CFAP47: variants seen among roughly 807,000 people sequenced by gnomAD.
CFAP47 encodes cilia- and flagella-associated protein 47.
A neutral mutation model predicts 148.1 loss-of-function variants in CFAP47; 29 were observed. The observed-to-expected ratio is 0.20, with a 90% CI of 0.15 to 0.27. CFAP47 has a LOEUF of 0.27. CFAP47 is among the 10% of genes least tolerant of loss of function. The pLI is 1.00. For missense variants in CFAP47, 1,872 were observed against 1,697.5 expected, an observed-to-expected ratio of 1.10 and a Z score of -1.81; for synonymous variants, 664 against 577.3, an observed-to-expected ratio of 1.15 and a Z score of -2.15.
rs782335952 is a variant in CFAP47, at chrX:36,324,814, T to C, written c.8443+5507T>C. Among the ~76,000 whole-genome samples, 167 of 111,722 alleles carry C rather than the reference T, an allele frequency of 1.5e-3. 1 individual carries two copies. The highest frequency in any genetic ancestry group is 5.0e-3 in the African/African-American group (154 of 30,764). On this transcript the variant is annotated intron_variant, in intron 57 of 63. Transcript: ENST00000378653. ...AAGAAAGAAATAGTTATTTTTCTTA[T>C]GAAATCCATTTTTTTTCTAGATGAA... is the stretch of plus-strand genomic sequence containing the variant.
intron 45 of CFAP47, among the ~76,000 whole-genome samples, chrX:36,228,005 G>GT (rs1189145247): frequency 1.8e-5 from 2 of 111,453 alleles, no homozygotes; most frequent in African/African-American, 3.3e-5. Context: ...TTGTAACGGG[G>GT]TGTTATGAGA....
chrX:36,342,615 A>G (rs1477688636), intron 57 of CFAP47, among the ~76,000 whole-genome samples: 9 of 109,459 alleles, frequency 8.2e-5, no homozygotes, highest in Non-Finnish European at 1.5e-4. Flanking sequence ...ACTCTTTTAA[A>G]TAAGTGTGTT....
chrX:36,190,032 T>C lies in CFAP47; in HGVS notation c.6176-19T>C, dbSNP rs1939849006. On this transcript the variant is annotated intron_variant, in intron 41 of 63. Transcript: ENST00000378653. ...CTTACAAAATTATATGTCAACAAGC[T>C]CTGTTTATGTTTTGCTAGCAATTAA... The C allele has an allele frequency of 1.0e-5, 3 of 297,192 alleles. No individual in the cohort carries two copies. The highest frequency in any genetic ancestry group is 1.8e-5 in the Non-Finnish European group (3 of 169,798). 24.5% of individuals were successfully genotyped at this position (297,192 alleles called of 1,213,427 possible).
intron 33 of CFAP47, among the ~76,000 whole-genome samples, chrX:36,115,369 C>T (rs11095426): frequency 0.059 from 6,564 of 111,782 alleles, 518 homozygotes; most frequent in African/African-American, 0.2. Context: ...TATCACAACA[C>T]TTGGAACATT....
chrX:36,135,823 CAT>C (rs949513798), intron 33 of CFAP47, among the ~76,000 whole-genome samples: 1 of 111,598 alleles, frequency 9.0e-6, no homozygotes, highest in African/African-American at 3.3e-5. Flanking sequence ...AATCAACCAA[CAT>C]ATGTAAGTAA....
intron 60 of CFAP47, among the ~76,000 whole-genome samples, chrX:36,356,882 A>T (rs1365168857): frequency 2.7e-5 from 3 of 112,247 alleles, no homozygotes; most frequent in Non-Finnish European, 5.6e-5. Context: ...TGAGAGGCAG[A>T]TATAAAAATA....
At chrX:35,965,391 C>A (rs770037024) in intron 8 of CFAP47, among the ~76,000 whole-genome samples, 3 of 111,353 alleles carry the variant, frequency 2.7e-5, no homozygotes, top group African/African-American at 9.7e-5. Context: ...TTGTAAAGAG[C>A]CTCAAATTCA....
chrX:35,976,826 A>T (rs1936577590), intron 15 of CFAP47, among the ~76,000 whole-genome samples: 1 of 112,090 alleles, frequency 8.9e-6, no homozygotes, highest in South Asian at 3.7e-4. Context: ...TTTTTAATTA[A>T]TAGAAGACAA....
rs868467140 is a variant in CFAP47 at position 36,149,612 on chromosome X, A to T, written c.5786+389A>T. Among the ~76,000 whole-genome samples the T allele has an allele frequency of 1.4e-3, 78 of 54,054 alleles. 2 individuals are homozygous for T. Among genetic ancestry groups the T allele is most frequent in the African/African-American group, 0.013 (73 of 5,525 alleles). 46.9% of individuals were successfully genotyped at this position (54,054 alleles called of 115,157 possible). A position where few individuals can be genotyped will look rare whatever the true frequency, so the allele number is the denominator to read the frequency against. On this transcript the variant is annotated intron_variant, in intron 37 of 63. Transcript: ENST00000378653. The stretch of plus-strand genomic sequence containing the variant: ...TATTTATTTATTTATTTATTTATTT[A>T]TTTTATTTTTTTTTGAGACTGGGTT...
At chrX:35,970,986 T>C (rs1038680090) in intron 11 of CFAP47, 63 bp downstream of exon 11, 2 of 927,009 alleles carry the variant, frequency 2.2e-6, no homozygotes, top group African/African-American at 2.0e-5. Context: ...CAGAATTTTT[T>C]TTTAACTCCT....
intron 13 of CFAP47, among the ~76,000 whole-genome samples, chrX:35,973,986 A>T (rs1410620177): frequency 8.9e-6 from 1 of 112,212 alleles, no homozygotes; most frequent in Non-Finnish European, 1.9e-5. Flanking sequence ...GGTTCTGGAG[A>T]TACAGCAATG....
chrX:35,928,656 T>C (rs1005052669), intron 2 of CFAP47, among the ~76,000 whole-genome samples: 1 of 110,912 alleles, frequency 9.0e-6, no homozygotes, highest in Non-Finnish European at 1.9e-5. Flanking sequence ...GTTTTTTTTT[T>C]AAACGTTCAA....
intron 26 of CFAP47, among the ~76,000 whole-genome samples, chrX:36,055,379 C>T (rs887531649): frequency 9.0e-6 from 1 of 110,821 alleles, no homozygotes; most frequent in African/African-American, 3.3e-5. Context: ...CATGTGTTCC[C>T]ATCATTCAGT....
At chrX:35,988,591 T>G (rs752308257) in intron 15 of CFAP47, among the ~76,000 whole-genome samples, 6 of 112,010 alleles carry the variant, frequency 5.4e-5, no homozygotes, top group South Asian at 7.5e-4. Flanking sequence ...AGTTTTCTTG[T>G]GATGGTAATT....
intron 49 of CFAP47, among the ~76,000 whole-genome samples, chrX:36,259,241 T>G (rs933618394): frequency 1.8e-5 from 2 of 111,581 alleles, no homozygotes; most frequent in African/African-American, 3.3e-5. Flanking sequence ...TTATTAAAAT[T>G]TATCTTTTAT....
At chrX:36,047,404 A>G (rs1418384541) in intron 26 of CFAP47, among the ~76,000 whole-genome samples, 4 of 111,898 alleles carry the variant, frequency 3.6e-5, no homozygotes, top group Non-Finnish European at 5.7e-5. Context: ...TTATTGAGCA[A>G]TTGGACAGGA....
At chrX:36,027,485 C>T (rs748239915) in intron 22 of CFAP47, among the ~76,000 whole-genome samples, 1 of 111,188 alleles carries the variant, frequency 9.0e-6, no homozygotes, top group East Asian at 2.8e-4. Flanking sequence ...ATGGCTTCCA[C>T]TTTCATCCAT....
chrX:36,083,592 A>G (rs181351930), intron 29 of CFAP47, among the ~76,000 whole-genome samples: 27 of 111,549 alleles, frequency 2.4e-4, no homozygotes, highest in Non-Finnish European at 4.7e-4. Flanking sequence ...TTGAATTCTT[A>G]CTTTTGCACA....
intron 8 of CFAP47, among the ~76,000 whole-genome samples, chrX:35,957,904 A>G (rs138377030): frequency 0.011 from 1,192 of 112,063 alleles, 42 homozygotes; most frequent in East Asian, 0.073. Context: ...TGTAATTCAC[A>G]TACCATAAAA....
Sources: allele counts gnomAD v4.1 joint callset (sites outside exome capture counted in the v4.1 genomes callset), GRCh38; gene constraint gnomAD v4.1.1; transcripts MANE v1.5; gene names NCBI Gene and HGNC (gene_info 2026-07-23, HGNC 2026-07-21).